The following ARB2A variants were observed in gnomAD, a reference collection of about 807,000 sequenced individuals.
ARB2A encodes ARB2 cotranscriptional regulator A.
chr5:93,952,830 A>C, the ARB2A span, among the ~76,000 whole-genome samples: 1 of 152,086 alleles, frequency 6.6e-6, no homozygotes, highest in African/African-American at 2.4e-5. Context: ...GCATTTTTCT[A>C]GAGTCTTCTA....
At chr5:93,906,771 C>G in the ARB2A span, among the ~76,000 whole-genome samples, 1 of 151,446 alleles carries the variant, frequency 6.6e-6, no homozygotes, top group Non-Finnish European at 1.5e-5. Flanking sequence ...CAAAAAGACT[C>G]TGCTAAGTTT....
At chr5:93,713,446 C>G in the ARB2A span, among the ~76,000 whole-genome samples, 6 of 151,894 alleles carry the variant, frequency 4.0e-5, no homozygotes, top group Non-Finnish European at 8.8e-5. Context: ...CCAAGAGGTA[C>G]ATAAAAAAAA....
the ARB2A span, among the ~76,000 whole-genome samples, chr5:93,883,623 C>T: frequency 6.6e-6 from 1 of 151,538 alleles, no homozygotes; most frequent in Admixed American, 6.6e-5. Context: ...GTTCCTACCC[C>T]TCTTCCTTGT....
the ARB2A span, among the ~76,000 whole-genome samples, chr5:93,626,623 C>G: frequency 2.6e-5 from 4 of 152,260 alleles, no homozygotes; most frequent in Non-Finnish European, 5.9e-5. Context: ...CTCCAGTCTA[C>G]TAAGTGTGCA....
At chr5:94,003,687 T>C in the ARB2A span, among the ~76,000 whole-genome samples, 1 of 151,758 alleles carries the variant, frequency 6.6e-6, no homozygotes, top group East Asian at 1.9e-4. Context: ...TACAAAATCC[T>C]GGTGAAAAAA....
chr5:94,060,107 C>T, the ARB2A span, among the ~76,000 whole-genome samples: 7 of 152,152 alleles, frequency 4.6e-5, no homozygotes, highest in East Asian at 1.9e-4. Flanking sequence ...CGCCTGTAAT[C>T]CCAGCACTTT....
At chr5:94,103,983 A>G in the ARB2A span, among the ~76,000 whole-genome samples, 1 of 151,926 alleles carries the variant, frequency 6.6e-6, no homozygotes, top group Non-Finnish European at 1.5e-5. Context: ...ATGACATACC[A>G]GATTCTCTGA....
At chr5:93,788,101 A>T in the ARB2A span, among the ~76,000 whole-genome samples, 1 of 152,158 alleles carries the variant, frequency 6.6e-6, no homozygotes, top group South Asian at 2.1e-4. Flanking sequence ...GCAAAAGTTT[A>T]AGCTACTAAA....
the ARB2A span, chr5:93,683,782 G>C: frequency 2.2e-6 from 3 of 1,383,448 alleles, no homozygotes; most frequent in South Asian, 2.3e-5. Context: ...CTGCTGCAGA[G>C]AACAGCCGCG....
chr5:94,050,687 T>A, the ARB2A span: 1 of 1,435,642 alleles, frequency 7.0e-7, no homozygotes, highest in Non-Finnish European at 9.5e-7. Flanking sequence ...TTCTGAATAT[T>A]TAAAATTGGG....
the ARB2A span, among the ~76,000 whole-genome samples, chr5:93,785,876 CCTT>C: frequency 8.6e-5 from 13 of 152,030 alleles, no homozygotes; most frequent in African/African-American, 3.1e-4. Context: ...TAGTATGCTA[CCTT>C]CTTCTAGATT....
chr5:93,995,109 A>T, the ARB2A span, among the ~76,000 whole-genome samples: 3 of 152,190 alleles, frequency 2.0e-5, no homozygotes, highest in African/African-American at 4.8e-5. Context: ...CAAATGTAAA[A>T]GTACAGTATT....
chr5:94,069,864 T>C, the ARB2A span, among the ~76,000 whole-genome samples: 2 of 152,254 alleles, frequency 1.3e-5, no homozygotes, highest in East Asian at 1.9e-4. Context: ...ATAACCTCCA[T>C]GGAAAACAGT....
the ARB2A span, among the ~76,000 whole-genome samples, chr5:93,906,153 A>G: frequency 7.9e-5 from 12 of 151,598 alleles, no homozygotes; most frequent in Non-Finnish European, 5.9e-5. Context: ...AAAGACAGAT[A>G]TATGTTTGTC....
chr5:93,950,888 G>A, the ARB2A span, among the ~76,000 whole-genome samples: 2 of 150,022 alleles, frequency 1.3e-5, no homozygotes, highest in Non-Finnish European at 2.9e-5. Context: ...AGGCTGCAGC[G>A]AGATTAAATC....
At chr5:93,931,866 G>T in the ARB2A span, among the ~76,000 whole-genome samples, 1 of 152,058 alleles carries the variant, frequency 6.6e-6, no homozygotes, top group African/African-American at 2.4e-5. Flanking sequence ...CTTTATCTAA[G>T]TGAAATTATA....
the ARB2A span, among the ~76,000 whole-genome samples, chr5:93,871,022 A>G: frequency 3.3e-5 from 5 of 152,340 alleles, no homozygotes; most frequent in East Asian, 9.6e-4. Flanking sequence ...GGATTTGGGT[A>G]ATTTGGAAGG....
the ARB2A span, among the ~76,000 whole-genome samples, chr5:94,048,082 T>C: frequency 9.4e-6 from 1 of 105,972 alleles, no homozygotes; most frequent in African/African-American, 3.7e-5. Flanking sequence ...TGAGACAGAG[T>C]CTTACTGTGT....
the ARB2A span, among the ~76,000 whole-genome samples, chr5:93,623,745 A>T: frequency 6.6e-6 from 1 of 152,186 alleles, no homozygotes; most frequent in Non-Finnish European, 1.5e-5. Flanking sequence ...TGCTAGGAGT[A>T]AAGGTAATAA....
Sources: allele counts gnomAD v4.1 joint callset (sites outside exome capture counted in the v4.1 genomes callset), GRCh38; gene constraint gnomAD v4.1.1; transcripts MANE v1.5; gene names NCBI Gene and HGNC (gene_info 2026-07-23, HGNC 2026-07-21).